ZBTB7C: variants seen among roughly 807,000 people sequenced by gnomAD.
ZBTB7C encodes the protein zinc finger and BTB domain-containing protein 7C.
ZBTB7C carries 8 observed loss-of-function variants against 25.7 expected under a neutral mutation model. The observed-to-expected ratio is 0.31, with a 90% CI of 0.18 to 0.56. ZBTB7C has a LOEUF of 0.56. ZBTB7C is among the 20% of genes least tolerant of loss of function. The pLI is 0.91. For missense variants in ZBTB7C, 824 were observed against 855.2 expected, an observed-to-expected ratio of 0.96 and a Z score of 0.46; for synonymous variants, 394 against 369.0, an observed-to-expected ratio of 1.07 and a Z score of -0.78.
At chr18:48,047,602 G>A (rs2036524495) in intron 3 of ZBTB7C, among the ~76,000 whole-genome samples, 1 of 152,130 alleles carries the variant, frequency 6.6e-6, no homozygotes, top group Admixed American at 6.5e-5. Flanking sequence ...TCAGTGGAAG[G>A]TTCTAGAACC....
chr18:48,278,085 C>G (rs957642615), intron 2 of ZBTB7C, among the ~76,000 whole-genome samples: 9 of 152,234 alleles, frequency 5.9e-5, no homozygotes, highest in Non-Finnish European at 7.3e-5. Flanking sequence ...TTCCCTCCCC[C>G]TGAATCTGGA....
chr18:48,066,769 G>C (rs1385466318), intron 3 of ZBTB7C, among the ~76,000 whole-genome samples: 3 of 152,182 alleles, frequency 2.0e-5, no homozygotes, highest in African/African-American at 7.2e-5. Flanking sequence ...TGGAGTGGAG[G>C]AGAAGGAGCA....
At chr18:48,248,665 T>G (rs1015855036) in intron 2 of ZBTB7C, among the ~76,000 whole-genome samples, 4 of 152,190 alleles carry the variant, frequency 2.6e-5, no homozygotes, top group Non-Finnish European at 4.4e-5. Flanking sequence ...AAATTTTAGA[T>G]TCTCAGAACC....
At chr18:48,358,086 C>T (rs553454970) in intron 1 of ZBTB7C, among the ~76,000 whole-genome samples, 159 of 152,296 alleles carry the variant, frequency 1.0e-3, no homozygotes, top group South Asian at 2.9e-3. Context: ...TGCAGTAGCT[C>T]AAACCTGTAA....
intron 2 of ZBTB7C, among the ~76,000 whole-genome samples, chr18:48,272,061 G>T (rs1034193482): frequency 2.2e-4 from 34 of 152,290 alleles, no homozygotes; most frequent in African/African-American, 7.7e-4. Context: ...CCTCATGATG[G>T]TTAATTTTTT....
At chr18:48,108,964 G>C (rs796935950) in intron 3 of ZBTB7C, among the ~76,000 whole-genome samples, 6 of 152,212 alleles carry the variant, frequency 3.9e-5, no homozygotes, top group African/African-American at 1.4e-4. Flanking sequence ...AGCACTTGGG[G>C]GTAAGGAAGG....
chr18:48,163,261 T>C lies in ZBTB7C; in HGVS notation c.-17+22673A>G, dbSNP rs1038647180. Among the ~76,000 whole-genome samples, 4 of 152,316 alleles carry C rather than the reference T, an allele frequency of 2.6e-5. 1 individual carries two copies. In the South Asian group the frequency reaches 8.3e-4, roughly 32 times the overall value. On this transcript the variant is annotated intron_variant, in intron 3 of 4. Transcript: ENST00000590800. ...TAATAACTGTGAATGTGGCTGGGCA[T>C]GAGCATGGCCCTGGACAGTGGCTGT...
chr18:48,038,690 G>C (rs897568282), intron 4 of ZBTB7C, among the ~76,000 whole-genome samples: 13 of 151,980 alleles, frequency 8.6e-5, no homozygotes, highest in African/African-American at 3.1e-4. Context: ...AATTCCCAAA[G>C]ATACATCTCC....
chr18:48,402,501 G>A (rs2048183330), intron 1 of ZBTB7C, among the ~76,000 whole-genome samples: 1 of 152,192 alleles, frequency 6.6e-6, no homozygotes. Context: ...CATTCACAAT[G>A]TGTTGGAAGG....
chr18:48,330,256 C>A (rs1415592734), intron 2 of ZBTB7C, among the ~76,000 whole-genome samples: 1 of 152,192 alleles, frequency 6.6e-6, no homozygotes, highest in African/African-American at 2.4e-5. Context: ...ACGGAATGTA[C>A]CTTGTTGAGG....
At chr18:48,302,613 G>T (rs1243434761) in intron 2 of ZBTB7C, among the ~76,000 whole-genome samples, 1 of 152,196 alleles carries the variant, frequency 6.6e-6, no homozygotes, top group African/African-American at 2.4e-5. Context: ...AGTCAGGCCG[G>T]ATCGACGTCC....
chr18:48,040,483 C>T lies in ZBTB7C; in HGVS notation c.625G>A (p.Asp209Asn), dbSNP rs1598758478. 7 of 1,610,916 alleles carry T rather than the reference C, an allele frequency of 4.3e-6. No individual in the cohort carries two copies. The highest frequency in any genetic ancestry group is 5.9e-6 in the Non-Finnish European group (7 of 1,178,304). ...AYSDTPRDFP[D>N]SFQAGSPGHL... Reference sequence around the variant, plus strand: ...CCAGGACTGCCAGCCTGGAAGGAGTCAGGGAAGTCCCTGGGGGTGTCTGAA... The same window carrying T: ...CCAGGACTGCCAGCCTGGAAGGAGTTAGGGAAGTCCCTGGGGGTGTCTGAA... The change falls in exon 4 of 5, where the codon GAC becomes AAC. Residue 209 changes from aspartate (D) to asparagine (N), a missense_variant. Asp to Asn is a conservative substitution (Grantham distance 23, BLOSUM62 1). This residue lies in a region of ZBTB7C where 316 missense variants were observed against 299.2 expected (regional missense o/e 1.06). Coordinates refer to ENST00000590800, the MANE Select transcript of ZBTB7C (RefSeq NM_001318841.2).
chr18:48,167,166 C>T (rs914624875), intron 3 of ZBTB7C, among the ~76,000 whole-genome samples: 9 of 152,146 alleles, frequency 5.9e-5, no homozygotes, highest in African/African-American at 1.9e-4. Flanking sequence ...CCAGGGTTCC[C>T]GCCCACTCCT....
chr18:48,040,849 C>G lies in ZBTB7C; in HGVS notation c.259G>C (p.Ala87Pro). The change falls in exon 4 of 5, where the codon GCT (alanine) becomes CCT (proline). Residue 87 changes from alanine (A) to proline (P), a missense_variant. Ala to Pro is a conservative substitution (Grantham distance 27, BLOSUM62 -1). This residue lies in a region of ZBTB7C where 117 missense variants were observed against 167.7 expected (regional missense o/e 0.70). Transcript: ENST00000590800. ...GAGGTGTAGGCGAACTCCAGGATAG[C>G]AGCCAGAGCCTCAGGCTGGACAAAG... ...IDFVQPEALA[A>P]ILEFAYTSTL... is the part of the protein sequence containing the mutation. 6.2e-7 allele frequency: 1 copy of G among 1,614,036 alleles called. No homozygotes were observed. The highest frequency in any genetic ancestry group is 8.5e-7 in the Non-Finnish European group (1 of 1,179,978).
intron 1 of ZBTB7C, among the ~76,000 whole-genome samples, chr18:48,399,469 C>T (rs750508123): frequency 2.6e-5 from 4 of 152,168 alleles, no homozygotes; most frequent in African/African-American, 4.8e-5. Flanking sequence ...CAGCCTGTTG[C>T]GTCACCTGTT....
At chr18:48,236,311 T>G (rs528796048) in intron 2 of ZBTB7C, among the ~76,000 whole-genome samples, 3 of 152,322 alleles carry the variant, frequency 2.0e-5, no homozygotes, top group African/African-American at 7.2e-5. Context: ...CAATGTCACC[T>G]CTTCTAGAAG....
intron 2 of ZBTB7C, among the ~76,000 whole-genome samples, chr18:48,324,172 T>C (rs1301839071): frequency 6.6e-6 from 1 of 152,134 alleles, no homozygotes; most frequent in Admixed American, 6.5e-5. Context: ...TCTATGATAT[T>C]GTTACCACAG....
chr18:48,386,204 C>G (rs1480990570), intron 1 of ZBTB7C, among the ~76,000 whole-genome samples: 1 of 152,218 alleles, frequency 6.6e-6, no homozygotes, highest in Non-Finnish European at 1.5e-5. Context: ...GTGCTTGACT[C>G]AGGACAATCT....
At chr18:48,134,531 G>C (rs921907779) in intron 3 of ZBTB7C, among the ~76,000 whole-genome samples, 1 of 152,168 alleles carries the variant, frequency 6.6e-6, no homozygotes, top group Admixed American at 6.5e-5. Flanking sequence ...AACCATGTAC[G>C]GTCTAGAGAC....
Sources: allele counts gnomAD v4.1 joint callset (sites outside exome capture counted in the v4.1 genomes callset), GRCh38; gene constraint gnomAD v4.1.1; regional missense constraint gnomAD v4.1.1; transcripts MANE v1.5; gene names NCBI Gene and HGNC (gene_info 2026-07-23, HGNC 2026-07-21).